Variants in HEATR4 observed in about 807,000 individuals in gnomAD.
HEATR4 encodes the protein HEAT repeat containing 4.
In HEATR4, 95 loss-of-function variants were observed where a neutral mutation model predicts 108.8. The observed-to-expected ratio is 0.87, with a 90% CI of 0.74 to 1.04. The LOEUF is 1.04. HEATR4 is among the 50% of genes least tolerant of loss of function. The probability of loss-of-function intolerance (pLI) is 0.00; values close to 1 mark genes in which losing one functional copy is unlikely to be tolerated. For synonymous variants in HEATR4, 443 were observed against 459.4 expected (o/e 0.96, Z 0.46); for missense variants, 1,152 against 1,253.8 (o/e 0.92, Z 1.23).
At chr14:73,582,929 CTG>C in the HEATR4 span, 7 of 152,092 alleles carry the variant, frequency 4.6e-5, no homozygotes, top group African/African-American at 1.4e-4. Flanking sequence ...ACTTCTTTCG[CTG>C]TGTGTCTCAT....
In HEATR4 at chr14:73,557,989, T is replaced by C. The variant is rs1399639557; in HGVS notation, c.-152+762A>G. Among the ~76,000 whole-genome samples the C allele has an allele frequency of 2.2e-5, 2 of 90,388 alleles. 1 individual carries two copies. Among genetic ancestry groups the C allele is most frequent in the East Asian group, 6.6e-4 (2 of 3,026 alleles). 59.3% of individuals were successfully genotyped at this position (90,388 alleles called of 152,430 possible). ...GGACTATGCCTGGAATAGATATGGG[T>C]AAAGAACCTTTTACATCAGACTCTT... On this transcript the variant is annotated intron_variant, in intron 1 of 17. Coordinates refer to ENST00000553558, the MANE Select transcript of HEATR4 (RefSeq NM_001220484.1).
At chr14:73,574,002 A>C in the HEATR4 span, among the ~76,000 whole-genome samples, 49 of 151,662 alleles carry the variant, frequency 3.2e-4, no homozygotes, top group African/African-American at 1.2e-3. Context: ...GCTGGATTAC[A>C]GGCATGAGCC....
chr14:73,479,675 C>T (rs1441116648), intron 17 of HEATR4, among the ~76,000 whole-genome samples: 1 of 151,806 alleles, frequency 6.6e-6, no homozygotes, highest in African/African-American at 2.4e-5. Flanking sequence ...GGTGATCCGC[C>T]GGCCTCGGCC....
rs1332681748 is a variant in HEATR4 at position 73,542,688 on chromosome 14, C to A, written c.-151-12444G>T. On this transcript the variant is annotated intron_variant, in intron 1 of 17. Coordinates refer to ENST00000553558, the MANE Select transcript of HEATR4 (RefSeq NM_001220484.1). ...CCCAAACTGTTGGGATTACAGGCGT[C>A]AGCCACCACGCCCGGCCATGAGATG... Among the ~76,000 whole-genome samples, 2 of 111,778 alleles carry A rather than the reference C, an allele frequency of 1.8e-5. 1 individual carries two copies. Among genetic ancestry groups the A allele is most frequent in the African/African-American group, 6.1e-5 (2 of 33,004 alleles). 73.3% of individuals were successfully genotyped at this position (111,778 alleles called of 152,430 possible). A position where few individuals can be genotyped will look rare whatever the true frequency, so the allele number is the denominator to read the frequency against.
At chr14:73,612,839 T>G in the HEATR4 span, 1 of 1,428,918 alleles carries the variant, frequency 7.0e-7, no homozygotes, top group African/African-American at 1.5e-5. Flanking sequence ...CGAGAAAGCC[T>G]TGGTGCGGCT....
the HEATR4 span, among the ~76,000 whole-genome samples, chr14:73,615,123 C>T: frequency 1.3e-5 from 2 of 150,244 alleles, no homozygotes; most frequent in Non-Finnish European, 3.0e-5. Context: ...CGCGGTGGCT[C>T]ACGCCTCTAA....
At chr14:73,630,876 C>T in the HEATR4 span, among the ~76,000 whole-genome samples, 1 of 152,094 alleles carries the variant, frequency 6.6e-6, no homozygotes, top group Non-Finnish European at 1.5e-5. Context: ...AAAACTTTCC[C>T]TTCTGAGGCC....
intron 5 of HEATR4, 44 bp from the exon 6 acceptor site, chr14:73,514,278 A>G: frequency 6.4e-7 from 1 of 1,567,568 alleles, no homozygotes; most frequent in South Asian, 1.1e-5. Flanking sequence ...CCACTGCCTT[A>G]GGCCCTGCCA....
intron 1 of HEATR4, among the ~76,000 whole-genome samples, chr14:73,555,939 AGGTTGCAGCGAGCCGAGATCGT>A (rs1889386202): frequency 8.9e-6 from 1 of 112,362 alleles, no homozygotes; most frequent in Non-Finnish European, 2.0e-5. Context: ...TGACAAGCAG[AGGTTGCAGCGAGCCGAGATCGT>A]GCCACCGCAC....
rs770036513 is a variant in HEATR4, at chr14:73,478,660, T to A, written c.3027A>T (p.Thr1009=). 5.6e-6 allele frequency: 9 copies of A among 1,613,474 alleles called. No individual in the cohort carries two copies. The highest frequency in any genetic ancestry group is 6.8e-6 in the Non-Finnish European group (8 of 1,179,928). ...ALYLGKFSER[T]FFSPIMSSPS... ...GAGAAGACATGATGGGAGAAAAAAA[T>A]GTTCTCTCTGAGAATTTACCCAGAT... Residue 1009 remains threonine, a synonymous_variant, in exon 18 of 18, where the codon ACA becomes ACT. Transcript: ENST00000553558.
chr14:73,612,633 T>C, the HEATR4 span: 1 of 1,406,230 alleles, frequency 7.1e-7, no homozygotes, highest in Non-Finnish European at 9.3e-7. Context: ...CCGCTGCGCA[T>C]CGCAGTGCGC....
chr14:73,609,672 G>T, the HEATR4 span, among the ~76,000 whole-genome samples: 2 of 152,016 alleles, frequency 1.3e-5, no homozygotes, highest in Admixed American at 1.3e-4. Context: ...ACAGAATCTC[G>T]CTCTGTTACC....
rs1242851811 is a variant in HEATR4, at chr14:73,491,235, A to G, written c.2844+1831T>C. On this transcript the variant is annotated intron_variant, in intron 17 of 17. Transcript: ENST00000553558. ...GAATCGAGGGTGGAGTCGACGGCCG[A>G]CGACCTGGGGGACGCGCTACCCGGT... is the stretch of plus-strand genomic sequence containing the variant. The G allele has an allele frequency of 2.5e-6, 4 of 1,590,288 alleles. No homozygotes were observed. In the Admixed American group the frequency reaches 6.9e-5, roughly 27 times the overall value.
At chr14:73,611,648 G>A in the HEATR4 span, 1 of 152,188 alleles carries the variant, frequency 6.6e-6, no homozygotes, top group Non-Finnish European at 1.5e-5. Context: ...AGGTGTGTCA[G>A]TGTAGTGTTT....
the HEATR4 span, among the ~76,000 whole-genome samples, chr14:73,592,838 G>A: frequency 6.6e-6 from 1 of 152,172 alleles, no homozygotes; most frequent in African/African-American, 2.4e-5. Context: ...GGGTGACAGA[G>A]CGAGACTCCG....
the HEATR4 span, among the ~76,000 whole-genome samples, chr14:73,577,536 A>G: frequency 2.1e-5 from 3 of 142,640 alleles, no homozygotes; most frequent in East Asian, 6.1e-4. Flanking sequence ...CAAAATTTCA[A>G]GTCATATTGT....
chr14:73,614,126 A>G, the HEATR4 span, among the ~76,000 whole-genome samples: 1 of 151,494 alleles, frequency 6.6e-6, no homozygotes, highest in Admixed American at 6.6e-5. Flanking sequence ...GTTTGATATC[A>G]GGAAGTAGAG....
chr14:73,586,480 G>A, the HEATR4 span, among the ~76,000 whole-genome samples: 2 of 152,018 alleles, frequency 1.3e-5, no homozygotes, highest in African/African-American at 2.4e-5. Context: ...CAACACAGGA[G>A]GATCACCTGA....
At chr14:73,591,800 T>G in the HEATR4 span, 2 of 627,438 alleles carry the variant, frequency 3.2e-6, no homozygotes, top group Admixed American at 8.7e-5. Flanking sequence ...GAGCGCCGGG[T>G]TAACCGGTCT....
Sources: allele counts gnomAD v4.1 joint callset (sites outside exome capture counted in the v4.1 genomes callset), GRCh38; gene constraint gnomAD v4.1.1; transcripts MANE v1.5; gene names NCBI Gene and HGNC (gene_info 2026-07-23, HGNC 2026-07-21).